Variants in PPP2R2C observed in about 807,000 individuals in gnomAD.
PPP2R2C encodes protein phosphatase 2, regulatory subunit B, gamma.
In PPP2R2C, 10 loss-of-function variants were observed where a neutral mutation model predicts 45.3. The observed-to-expected ratio is 0.22, with a 90% CI of 0.14 to 0.37. The LOEUF is 0.37. Among genes scored for constraint, PPP2R2C ranks in the 10% least tolerant of loss-of-function variants. The pLI, the probability that PPP2R2C is intolerant of heterozygous loss-of-function variation, is 1.00. For synonymous variants in PPP2R2C, 257 were observed against 245.4 expected, an observed-to-expected ratio of 1.05 and a Z score of -0.44; for missense variants, 308 against 619.7, an observed-to-expected ratio of 0.50 and a Z score of 5.34.
intron 5 of PPP2R2C, among the ~76,000 whole-genome samples, chr4:6,354,983 C>T (rs941995694): frequency 1.3e-5 from 2 of 152,174 alleles, no homozygotes; most frequent in African/African-American, 4.8e-5. Flanking sequence ...AACAAAGTAA[C>T]CTCCTGTAAA....
intron 6 of PPP2R2C, among the ~76,000 whole-genome samples, chr4:6,346,038 A>C (rs112821387): frequency 2.0e-5 from 3 of 151,866 alleles, no homozygotes; most frequent in Non-Finnish European, 4.4e-5. Context: ...CACAGCTCAA[A>C]CCAACCACAG....
intron 1 of PPP2R2C, among the ~76,000 whole-genome samples, chr4:6,455,164 C>A (rs999607849): frequency 2.0e-5 from 3 of 152,180 alleles, no homozygotes; most frequent in African/African-American, 7.2e-5. Context: ...TGGACTTACT[C>A]TTCCAAAAAT....
chr4:6,457,038 G>A (rs976835347), intron 1 of PPP2R2C, among the ~76,000 whole-genome samples: 2 of 152,006 alleles, frequency 1.3e-5, no homozygotes, highest in African/African-American at 2.4e-5. Flanking sequence ...TTGAAATTCC[G>A]TCTCTACTAA....
At chr4:6,333,122 A>G (rs547829305) in intron 7 of PPP2R2C, among the ~76,000 whole-genome samples, 2 of 152,336 alleles carry the variant, frequency 1.3e-5, no homozygotes, top group African/African-American at 4.8e-5. Flanking sequence ...GAAAGGAAAC[A>G]TGTGCTCAGT....
chr4:6,355,949 G>A (rs376618695), intron 5 of PPP2R2C, among the ~76,000 whole-genome samples: 16 of 139,938 alleles, frequency 1.1e-4, no homozygotes, highest in African/African-American at 3.3e-4. Flanking sequence ...AGCTGAGATC[G>A]TGCCACGTAT....
intron 1 of PPP2R2C, among the ~76,000 whole-genome samples, chr4:6,401,797 C>A (rs1717428231): frequency 6.6e-6 from 1 of 152,206 alleles, no homozygotes; most frequent in Non-Finnish European, 1.5e-5. Context: ...CGCTATTTAT[C>A]TTCCTGTCGC....
intron 1 of PPP2R2C, among the ~76,000 whole-genome samples, chr4:6,392,524 A>C (rs1716718529): frequency 6.6e-6 from 1 of 152,210 alleles, no homozygotes; most frequent in Non-Finnish European, 1.5e-5. Flanking sequence ...GAAGGATGTG[A>C]GAGAGGGAGC....
At chr4:6,483,021 A>G (rs1722411095) in intron 2 of PPP2R2C, among the ~76,000 whole-genome samples, 1 of 152,188 alleles carries the variant, frequency 6.6e-6, no homozygotes, top group South Asian at 2.1e-4. Flanking sequence ...AATCTATTAA[A>G]GAAGTAAATT....
chr4:6,511,479 G>GAT (rs1723476012), intron 2 of PPP2R2C, among the ~76,000 whole-genome samples: 4 of 128,072 alleles, frequency 3.1e-5, no homozygotes, highest in African/African-American at 9.2e-5. Flanking sequence ...TGGTGGTGAT[G>GAT]GCGGTGTTGG....
chr4:6,531,000 T>C (rs985831366), intron 2 of PPP2R2C, among the ~76,000 whole-genome samples: 1 of 152,062 alleles, frequency 6.6e-6, no homozygotes, highest in Non-Finnish European at 1.5e-5. Flanking sequence ...AAAATGGGTG[T>C]GTGGAGGGGA....
chr4:6,340,372 AGGTGCAATGCATCAGAGG>A (rs71173433), intron 6 of PPP2R2C, among the ~76,000 whole-genome samples: 77,271 of 151,698 alleles, frequency 0.51, 21,190 homozygotes, highest in Middle Eastern at 0.66. Flanking sequence ...CTGACCCCTG[AGGTGCAATGCATCAGAGG>A]GCTCCTGATG....
rs1715499689 is a variant in PPP2R2C, at chr4:6,378,220, C to T, written c.334+187G>A. 2 of 783,210 alleles carry T rather than the reference C, an allele frequency of 2.6e-6. No individual in the cohort carries two copies. Among genetic ancestry groups the T allele is most frequent in the South Asian group, 1.2e-4 (2 of 17,086 alleles). 48.5% of individuals were successfully genotyped at this position (783,210 alleles called of 1,614,324 possible). A position where few individuals can be genotyped will look rare whatever the true frequency, so the allele number is the denominator to read the frequency against. Reference sequence around the variant, plus strand: ...AGGGGGGCAGCCCTGTGTCCAGACACAGGGAGCGTCTGAGGGGGTCTGGCA... The same window carrying T: ...AGGGGGGCAGCCCTGTGTCCAGACATAGGGAGCGTCTGAGGGGGTCTGGCA... On this transcript the variant is annotated intron_variant, in intron 3 of 8. Coordinates refer to ENST00000382599, the MANE Select transcript of PPP2R2C (RefSeq NM_020416.4). This position sits in a 1 kb window ranked among gnomAD's most constrained non-coding sequence, Gnocchi z 5.2.
intron 8 of PPP2R2C, among the ~76,000 whole-genome samples, chr4:6,327,512 C>A (rs562647058): frequency 1.4e-4 from 22 of 152,354 alleles, no homozygotes; most frequent in South Asian, 4.1e-4. Context: ...CGGGGACCTA[C>A]CCCGCAAAAC....
chr4:6,490,973 C>T (rs564125322), intron 2 of PPP2R2C, among the ~76,000 whole-genome samples: 1 of 152,316 alleles, frequency 6.6e-6, no homozygotes, highest in Admixed American at 6.5e-5. Context: ...CGCCAGGAGG[C>T]CTGGCTGCAG....
In PPP2R2C at chr4:6,364,724, TC is replaced by T. The variant is rs1714127733; in HGVS notation, c.625+7798del. ...AAGTGAGCTGCCCGAGGCCGCGGAG[TC>T]CCTATGTCTTGGGGCCAAGGTCTGA... On this transcript the variant is annotated intron_variant, in intron 5 of 8. Transcript: ENST00000382599. This position sits in a 1 kb window ranked among gnomAD's most constrained non-coding sequence, Gnocchi z 5.3. 6.6e-6 allele frequency among the ~76,000 whole-genome samples: 1 copy of T among 151,850 alleles called. No individual in the cohort carries two copies. Among genetic ancestry groups the T allele is most frequent in the Non-Finnish European group, 1.5e-5 (1 of 67,952 alleles).
At chr4:6,348,672 G>A in intron 5 of PPP2R2C, 3 of 985,390 alleles carry the variant, frequency 3.0e-6, no homozygotes, top group Non-Finnish European at 3.6e-6. Context: ...ATGCAGCTTG[G>A]TCACCCCTGC....
chr4:6,346,587 G>A (rs1361096853), intron 6 of PPP2R2C, among the ~76,000 whole-genome samples: 4 of 152,200 alleles, frequency 2.6e-5, no homozygotes, highest in Admixed American at 2.6e-4. Context: ...CCAGGAATAG[G>A]CGCCTACTGA....
rs181007910 is a variant in PPP2R2C, at chr4:6,368,683, A to G, written c.625+3840T>C. 1.3e-4 allele frequency among the ~76,000 whole-genome samples: 20 copies of G among 152,154 alleles called. No homozygotes were observed. In the East Asian group the frequency reaches 3.5e-3, roughly 26 times the overall value. On this transcript the variant is annotated intron_variant, in intron 5 of 8. Transcript: ENST00000382599. The surrounding 1 kb of genome is among the most constrained non-coding windows in gnomAD (Gnocchi z 4.2). Reference sequence around the variant, plus strand: ...ACTGGTTATGATACAATCCAAATCTATGACACCTCCATCCTTACAATCTCA... The same window carrying G: ...ACTGGTTATGATACAATCCAAATCTGTGACACCTCCATCCTTACAATCTCA...
Position 6,345,384 on chromosome 4 carries a change from G to A in PPP2R2C, c.790+2462C>T, listed in dbSNP as rs748592574. Among the ~76,000 whole-genome samples the A allele has an allele frequency of 2.6e-4, 39 of 152,182 alleles. No individual in the cohort carries two copies. The highest frequency in any genetic ancestry group is 4.9e-4 in the Non-Finnish European group (33 of 68,038). ...GGCTGCGTCCTGATCCCTAGCACCT[G>A]TGACTATGTTATGCTACACGGCAAA... On this transcript the variant is annotated intron_variant, in intron 6 of 8. Transcript: ENST00000382599. The surrounding 1 kb of genome is among the most constrained non-coding windows in gnomAD (Gnocchi z 5.3).
Sources: gnomAD v4.1 joint callset for allele counts (sites outside exome capture counted in the v4.1 genomes callset) on GRCh38, gnomAD v4.1.1 for gene constraint, Gnocchi (gnomAD v3.1) non-coding constraint, MANE v1.5 for transcripts, NCBI Gene and HGNC (gene_info 2026-07-23, HGNC 2026-07-21) for gene names.